The following MTFR1 variants were observed in gnomAD, a reference collection of about 807,000 sequenced individuals.
The protein encoded by MTFR1 is mitochondrial fission regulator 1, also known as chondrocyte protein with a poly-proline region.
MTFR1 carries 28 observed loss-of-function variants against 38.8 expected under a neutral mutation model. That is an observed-to-expected ratio of 0.72 (90% CI 0.53 to 0.99). The LOEUF (loss-of-function observed/expected upper bound fraction) is 0.99. Ranked by LOEUF, MTFR1 falls within the 50% of genes least tolerant of loss-of-function variation. The pLI, the probability that MTFR1 is intolerant of heterozygous loss-of-function variation, is 0.00. For missense variants in MTFR1, 358 were observed against 395.5 expected (o/e 0.91, Z 0.81); for synonymous variants, 145 against 137.0 (o/e 1.06, Z -0.41).
chr8:65,687,895 T>C (rs1585779490), intron 3 of MTFR1, among the ~76,000 whole-genome samples: 1 of 150,146 alleles, frequency 6.7e-6, no homozygotes, highest in African/African-American at 2.5e-5. Context: ...AGGTTGGGAG[T>C]TCAAGACCAG....
chr8:65,720,427 T>C (rs1012407254), intron 3 of MTFR1: 1 of 154,136 alleles, frequency 6.5e-6, no homozygotes, highest in Non-Finnish European at 1.5e-5. Context: ...CAAAAGACCA[T>C]GTGGACCACA....
chr8:65,704,810 C>CA lies in MTFR1; in HGVS notation c.399dup (p.Ala134SerfsTer5), dbSNP rs1436206525. The CA allele has an allele frequency of 1.9e-6, 3 of 1,614,084 alleles. No individual in the cohort carries two copies. The highest frequency in any genetic ancestry group is 2.5e-6 in the Non-Finnish European group (3 of 1,180,030). On this transcript the variant is annotated frameshift_variant, in exon 5 of 8. Coordinates refer to ENST00000262146, the MANE Select transcript of MTFR1 (RefSeq NM_014637.4). LOFTEE classifies it high-confidence loss of function. ...CAAGAAGAGCCTCAGCTGAAGACCCCAGCGCTGGCAAATGAGGAAGCACTG... is the reference window on the plus strand; with the variant it reads ...CAAGAAGAGCCTCAGCTGAAGACCCCAAGCGCTGGCAAATGAGGAAGCACTG...
intron 4 of MTFR1, among the ~76,000 whole-genome samples, chr8:65,694,715 G>C (rs922928491): frequency 6.6e-6 from 1 of 152,214 alleles, no homozygotes; most frequent in African/African-American, 2.4e-5. Context: ...ATACTGTAAA[G>C]TCTACAAAGT....
chr8:65,753,840 C>T (rs1356964233), intron 3 of MTFR1, among the ~76,000 whole-genome samples: 1 of 152,058 alleles, frequency 6.6e-6, no homozygotes, highest in South Asian at 2.1e-4. Flanking sequence ...TATCTTCCTG[C>T]TGGATTGAAA....
chr8:65,750,474 C>CTGTGTGTGTGTGTGTGTGTG (rs371620919), intron 3 of MTFR1, among the ~76,000 whole-genome samples: 5 of 142,724 alleles, frequency 3.5e-5, no homozygotes, highest in African/African-American at 7.9e-5. Flanking sequence ...ATTAGAATCA[C>CTGTGTGTGTGTGTGTGTGTG]TGTGTGTGTG....
chr8:65,667,331 C>A (rs1804411478), intron 1 of MTFR1, among the ~76,000 whole-genome samples: 1 of 146,760 alleles, frequency 6.8e-6, no homozygotes, highest in Admixed American at 6.9e-5. Context: ...TTCTATAGAG[C>A]CAAATGTGTA....
At chr8:65,772,771 A>T (rs1809144041), downstream of MTFR1, among the ~76,000 whole-genome samples, 1 of 152,220 alleles carries the variant, frequency 6.6e-6, no homozygotes, top group South Asian at 2.1e-4. Flanking sequence ...TGGGAGGCCA[A>T]GGCAGGCAGA....
chr8:65,708,422 A>G (rs1246633414), intron 7 of MTFR1: 5 of 304,996 alleles, frequency 1.6e-5, no homozygotes, highest in African/African-American at 4.4e-5. Flanking sequence ...TTCAAAGTAC[A>G]GTGAGATCAT....
intron 1 of MTFR1, among the ~76,000 whole-genome samples, chr8:65,650,121 G>A (rs1809078983): frequency 2.0e-5 from 3 of 151,582 alleles, no homozygotes; most frequent in African/African-American, 7.3e-5. Context: ...TTACAGCTGT[G>A]AGCCACCATG....
chr8:65,741,181 C>A (rs1307061269), intron 3 of MTFR1, among the ~76,000 whole-genome samples: 1 of 152,100 alleles, frequency 6.6e-6, no homozygotes, highest in Non-Finnish European at 1.5e-5. Flanking sequence ...ATTAAATAGA[C>A]CACGTTTTAA....
At chr8:65,696,843 T>C (rs563689001) in intron 4 of MTFR1, among the ~76,000 whole-genome samples, 2 of 151,902 alleles carry the variant, frequency 1.3e-5, no homozygotes, top group Admixed American at 1.3e-4. Flanking sequence ...GTATTTTTAG[T>C]GGATACGGGA....
In MTFR1 at chr8:65,645,705, C is replaced by CCCCG. The variant is rs1015727774; in HGVS notation, c.-81+922_-81+923insCCGC. Among the ~76,000 whole-genome samples the CCCCG allele has an allele frequency of 2.7e-3, 306 of 114,270 alleles. 18 individuals are homozygous for CCCCG. Among genetic ancestry groups the CCCCG allele is most frequent in the South Asian group, 0.027 (51 of 1,910 alleles). The allele number at this position is 114,270 out of a possible 152,430, so 75.0% of individuals were successfully genotyped here. On this transcript the variant is annotated intron_variant, in intron 1 of 7. Coordinates refer to ENST00000262146, the MANE Select transcript of MTFR1 (RefSeq NM_014637.4). ...CACGCCCGGCTTTCCCCCCCCCCCCCCTTTGTAGAGATGGGGTCTCCTTAT... is the reference window on the plus strand; with the variant it reads ...CACGCCCGGCTTTCCCCCCCCCCCCCCCCGCTTTGTAGAGATGGGGTCTCCTTAT...
intron 4 of MTFR1, among the ~76,000 whole-genome samples, chr8:65,694,433 C>T (rs1357537917): frequency 6.6e-6 from 1 of 151,962 alleles, no homozygotes; most frequent in East Asian, 1.9e-4. Context: ...CTAGTCTGTT[C>T]GTTTTCAAGA....
At chr8:65,649,899 C>T (rs71529177) in intron 1 of MTFR1, among the ~76,000 whole-genome samples, 4,144 of 151,004 alleles carry the variant, frequency 0.027, 133 homozygotes, top group African/African-American at 0.079. Flanking sequence ...AGTGCAGTGG[C>T]GTGATCTCGG....
chr8:65,755,945 C>T lies in MTFR1; in HGVS notation c.*49-15002C>T, dbSNP rs567590776. ...ATCTACCATTTCTTGTAGGACAGGT[C>T]TACTGGTAATGAACTCCCTCAACTT... is the stretch of plus-strand genomic sequence containing the variant. On this transcript the variant is annotated intron_variant, in intron 3 of 3. Transcript: ENST00000521247. 2.0e-5 allele frequency among the ~76,000 whole-genome samples: 3 copies of T among 152,294 alleles called. No individual in the cohort carries two copies. In the East Asian group the frequency reaches 5.8e-4, roughly 29 times the overall value.
chr8:65,726,113 CT>C (rs1242496772), intron 3 of MTFR1, among the ~76,000 whole-genome samples: 3 of 152,120 alleles, frequency 2.0e-5, no homozygotes, highest in Non-Finnish European at 1.5e-5. Flanking sequence ...AATTTTAATA[CT>C]CAAACATATT....
intron 3 of MTFR1, chr8:65,727,072 T>C (rs1806641967): frequency 1.0e-6 from 1 of 994,680 alleles, no homozygotes; most frequent in African/African-American, 1.6e-5. Flanking sequence ...ATTCTAACAT[T>C]CATTGAGAAT....
chr8:65,738,654 A>G (rs142412916), intron 3 of MTFR1, among the ~76,000 whole-genome samples: 14 of 152,252 alleles, frequency 9.2e-5, no homozygotes, highest in Admixed American at 2.0e-4. Flanking sequence ...GCTGGTCTCC[A>G]ACTCGTGGCC....
chr8:65,734,000 C>T (rs1379724318), intron 3 of MTFR1, among the ~76,000 whole-genome samples: 1 of 152,178 alleles, frequency 6.6e-6, no homozygotes, highest in Non-Finnish European at 1.5e-5. Context: ...TTAACACCTG[C>T]AGACAATGAT....
Sources: allele counts gnomAD v4.1 joint callset (sites outside exome capture counted in the v4.1 genomes callset), GRCh38; gene constraint gnomAD v4.1.1; transcripts MANE v1.5; gene names NCBI Gene and HGNC (gene_info 2026-07-23, HGNC 2026-07-21).